The following RHEB variants were observed in gnomAD, a reference collection of about 807,000 sequenced individuals.
RHEB encodes GTP-binding protein Rheb.
In RHEB, 2 loss-of-function variants were observed where a neutral mutation model predicts 28.8. That is an observed-to-expected ratio of 0.07 (90% CI 0.03 to 0.22). The LOEUF (loss-of-function observed/expected upper bound fraction) is 0.22, where lower values mean the gene tolerates loss of function less well. RHEB is among the 10% of genes least tolerant of loss of function. The pLI is 1.00. For synonymous variants in RHEB, 69 were observed against 77.3 expected, an observed-to-expected ratio of 0.89 and a Z score of 0.56; for missense variants, 76 against 219.9, an observed-to-expected ratio of 0.35 and a Z score of 4.14.
At chr7:151,479,837 T>C (rs1333937419) in intron 3 of RHEB, among the ~76,000 whole-genome samples, 1 of 152,062 alleles carries the variant, frequency 6.6e-6, no homozygotes, top group African/African-American at 2.4e-5. Flanking sequence ...TTTCTTCACA[T>C]ATCAAGGGGA....
chr7:151,472,338 A>G lies in RHEB; in HGVS notation c.276-733T>C, dbSNP rs962245654. ...TGCCTGCATCAGTTCCACAGCCCCA[A>G]CCCTTCCCCGCCACCCCTGCTCAGC... On this transcript the variant is annotated intron_variant, in intron 4 of 7. Transcript: ENST00000262187. The surrounding 1 kb of genome is among the most constrained non-coding windows in gnomAD (Gnocchi z 5.2). Among the ~76,000 whole-genome samples the G allele has an allele frequency of 1.5e-4, 23 of 151,842 alleles. No homozygotes were observed. Among genetic ancestry groups the G allele is most frequent in the African/African-American group, 5.3e-4 (22 of 41,316 alleles).
chr7:151,471,693 A>C, intron 4 of RHEB, 88 bp from the exon 5 acceptor site: 1 of 830,226 alleles, frequency 1.2e-6, no homozygotes, highest in Non-Finnish European at 2.0e-6. Context: ...AAAATGTAAA[A>C]TGTCACAGAC....
At chr7:151,480,866 T>C (rs1340973691) in intron 3 of RHEB, among the ~76,000 whole-genome samples, 2 of 152,118 alleles carry the variant, frequency 1.3e-5, no homozygotes, top group African/African-American at 2.4e-5. Flanking sequence ...GTAGTTTTAG[T>C]AGAGACAGAG....
At chr7:151,484,591 T>C in intron 3 of RHEB, 146 bp downstream of exon 3, 1 of 612,238 alleles carries the variant, frequency 1.6e-6, no homozygotes, top group Non-Finnish European at 3.0e-6. Context: ...GTCGAGCCAC[T>C]GCAAGCCAAA....
chr7:151,490,749 A>G lies in RHEB; in HGVS notation c.124+194T>C, dbSNP rs4726031. On this transcript the variant is annotated intron_variant, in intron 2 of 7. Transcript: ENST00000262187. ...ACTGACTTGAATTAATAATTTCTAG[A>G]TGGCAGGGGATGCAGACATGGAAGG... Among the ~76,000 whole-genome samples the G allele has an allele frequency of 9.8e-3, 1,488 of 152,318 alleles. 25 individuals are homozygous for G. Among genetic ancestry groups the G allele is most frequent in the African/African-American group, 0.033 (1,383 of 41,558 alleles).
At chr7:151,477,489 T>C (rs1802292361) in intron 3 of RHEB, 74 bp from the exon 4 acceptor site, 2 of 804,002 alleles carry the variant, frequency 2.5e-6, no homozygotes, top group Non-Finnish European at 4.2e-6. Context: ...AAGTTTTTCA[T>C]GTATTACCTG....
At chr7:151,492,797 T>C (rs1802607150) in intron 1 of RHEB, among the ~76,000 whole-genome samples, 2 of 151,716 alleles carry the variant, frequency 1.3e-5, no homozygotes, top group South Asian at 4.2e-4. Flanking sequence ...ACGCTACTTC[T>C]CTGCTTCCAA....
chr7:151,479,595 A>C (rs1802343340), intron 3 of RHEB, among the ~76,000 whole-genome samples: 1 of 150,076 alleles, frequency 6.7e-6, no homozygotes, highest in Non-Finnish European at 1.5e-5. Flanking sequence ...AGGCAGGAGA[A>C]TGGTGTGAAC....
chr7:151,492,001 C>T (rs1006717387), intron 1 of RHEB, among the ~76,000 whole-genome samples: 8 of 152,130 alleles, frequency 5.3e-5, no homozygotes, highest in Non-Finnish European at 7.3e-5. Context: ...GTGAAGAAAT[C>T]GCATGAGATG....
chr7:151,483,914 A>G (rs981698475), intron 3 of RHEB, among the ~76,000 whole-genome samples: 2 of 152,162 alleles, frequency 1.3e-5, no homozygotes, highest in African/African-American at 4.8e-5. Flanking sequence ...CTTCCAGCCA[A>G]TTCCCTGGTG....
chr7:151,496,110 C>T (rs1196114816), intron 1 of RHEB, among the ~76,000 whole-genome samples: 1 of 152,212 alleles, frequency 6.6e-6, no homozygotes, highest in Non-Finnish European at 1.5e-5. Context: ...ACAACCCATT[C>T]CAGGGCTGCT....
At chr7:151,519,351 C>G in intron 1 of RHEB, 109 bp downstream of exon 1, 1 of 761,816 alleles carries the variant, frequency 1.3e-6, no homozygotes, top group Non-Finnish European at 1.7e-6. Context: ...CCCCCGCCCG[C>G]CCCGCCACAT....
intron 1 of RHEB, among the ~76,000 whole-genome samples, chr7:151,497,390 G>A (rs1802692576): frequency 6.6e-6 from 1 of 152,168 alleles, no homozygotes; most frequent in Non-Finnish European, 1.5e-5. Context: ...AAGCCCCCTA[G>A]GTGATTCAGC....
chr7:151,485,046 C>CA (rs1198128391), intron 2 of RHEB, among the ~76,000 whole-genome samples: 1 of 152,142 alleles, frequency 6.6e-6, no homozygotes, highest in Non-Finnish European at 1.5e-5. Flanking sequence ...TTCAAAGAGA[C>CA]AAAGTACGCA....
rs1242055618 is a variant in RHEB, at chr7:151,472,924, G to C, written c.276-1319C>G. On this transcript the variant is annotated intron_variant, in intron 4 of 7. Transcript: ENST00000262187. This position sits in a 1 kb window ranked among gnomAD's most constrained non-coding sequence, Gnocchi z 5.2. ...ACCTGCGGTTGCATTACAGAACCAC[G>C]GTTTCCTCCGCATGCTGTATTTGCC... Among the ~76,000 whole-genome samples the C allele has an allele frequency of 6.6e-6, 1 of 152,214 alleles. No homozygotes were observed. Among genetic ancestry groups the C allele is most frequent in the African/African-American group, 2.4e-5 (1 of 41,448 alleles).
At chr7:151,515,758 T>C (rs1042410387) in intron 1 of RHEB, among the ~76,000 whole-genome samples, 2 of 152,244 alleles carry the variant, frequency 1.3e-5, no homozygotes, top group Non-Finnish European at 2.9e-5. Context: ...ACATCTTTCC[T>C]CATGAAGACT....
intron 1 of RHEB, among the ~76,000 whole-genome samples, chr7:151,504,179 G>A (rs757712469): frequency 3.3e-5 from 5 of 152,186 alleles, no homozygotes; most frequent in Admixed American, 6.5e-5. Flanking sequence ...TGTGCCCAGC[G>A]TTTGGGAGCC....
intron 3 of RHEB, 64 bp from the exon 4 acceptor site, chr7:151,477,479 A>C (rs936125533): frequency 1.1e-6 from 1 of 910,964 alleles, no homozygotes; most frequent in Non-Finnish European, 1.7e-6. Context: ...ACTTTACCCA[A>C]AGTTTTTCAT....
intron 2 of RHEB, 59 bp downstream of exon 2, chr7:151,490,884 T>C: frequency 1.6e-6 from 2 of 1,242,358 alleles, no homozygotes; most frequent in South Asian, 2.4e-5. Context: ...GAATACACAA[T>C]GGCTATTTTA....
Sources: allele counts gnomAD v4.1 joint callset (sites outside exome capture counted in the v4.1 genomes callset), GRCh38; gene constraint gnomAD v4.1.1; non-coding constraint Gnocchi (gnomAD v3.1); transcripts MANE v1.5; gene names NCBI Gene and HGNC (gene_info 2026-07-23, HGNC 2026-07-21).